The following AFF2 variants were observed in gnomAD, a reference collection of about 807,000 sequenced individuals.
The protein encoded by AFF2 is ALF transcription elongation factor 2.
Under a neutral mutation model 76.9 loss-of-function variants are expected in AFF2, and 14 were observed. That is an observed-to-expected ratio of 0.18 (90% CI 0.12 to 0.28). The LOEUF (loss-of-function observed/expected upper bound fraction) is 0.28. AFF2 is among the 10% of genes least tolerant of loss of function. The probability of loss-of-function intolerance (pLI) is 1.00; values close to 1 mark genes in which losing one functional copy is unlikely to be tolerated. For synonymous variants in AFF2, 398 were observed against 366.7 expected, an observed-to-expected ratio of 1.09 and a Z score of -0.98; for missense variants, 868 against 1,001.1, an observed-to-expected ratio of 0.87 and a Z score of 1.79.
intron 3 of AFF2, among the ~76,000 whole-genome samples, chrX:148,674,075 ATC>A (rs782239767): frequency 3.6e-5 from 4 of 112,199 alleles, no homozygotes; most frequent in Non-Finnish European, 7.5e-5. Context: ...ACAAATACTT[ATC>A]TCTGCTATTG....
intron 3 of AFF2, among the ~76,000 whole-genome samples, chrX:148,716,652 A>T (rs782170526): frequency 2.7e-5 from 3 of 111,581 alleles, no homozygotes; most frequent in African/African-American, 9.8e-5. Flanking sequence ...GAAACTGCAT[A>T]TCAGAGGGGA....
At chrX:148,600,200 G>T (rs1466326417) in intron 1 of AFF2, among the ~76,000 whole-genome samples, 3 of 111,920 alleles carry the variant, frequency 2.7e-5, no homozygotes, top group Non-Finnish European at 5.6e-5. Flanking sequence ...TGGTAGTCTT[G>T]TGTGGAATTT....
chrX:148,833,638 A>G (rs1557273539), intron 4 of AFF2, among the ~76,000 whole-genome samples: 1 of 110,774 alleles, frequency 9.0e-6, no homozygotes, highest in East Asian at 2.8e-4. Context: ...AATTAGTAGA[A>G]CAAATGCAAA....
intron 13 of AFF2, among the ~76,000 whole-genome samples, chrX:148,963,159 T>C (rs2072131460): frequency 8.9e-6 from 1 of 112,033 alleles, no homozygotes; most frequent in Non-Finnish European, 1.9e-5. Context: ...ATACAGATGT[T>C]ATTATGACAA....
chrX:148,723,799 C>A (rs1324288657), intron 3 of AFF2, among the ~76,000 whole-genome samples: 2 of 111,380 alleles, frequency 1.8e-5, no homozygotes, highest in African/African-American at 3.3e-5. Flanking sequence ...TTTGTGGCCA[C>A]AGGAAAATGA....
intron 3 of AFF2, among the ~76,000 whole-genome samples, chrX:148,738,010 T>C (rs1023272743): frequency 1.8e-5 from 2 of 111,568 alleles, no homozygotes; most frequent in Admixed American, 1.9e-4. Context: ...TGTTGTCGGA[T>C]TCGGTTAGCT....
At chrX:148,848,598 G>T (rs1557274980) in intron 7 of AFF2, among the ~76,000 whole-genome samples, 1 of 112,173 alleles carries the variant, frequency 8.9e-6, no homozygotes, top group African/African-American at 3.2e-5. Flanking sequence ...TGCAATTTCG[G>T]TAGCAAATTG....
intron 3 of AFF2, among the ~76,000 whole-genome samples, chrX:148,688,071 G>A (rs369702639): frequency 3.6e-5 from 4 of 110,677 alleles, no homozygotes; most frequent in Admixed American, 9.7e-5. Flanking sequence ...ATCAATCACC[G>A]AATCCTACCT....
chrX:148,596,388 G>T (rs1557247318), intron 1 of AFF2, among the ~76,000 whole-genome samples: 1 of 112,075 alleles, frequency 8.9e-6, no homozygotes, highest in Non-Finnish European at 1.9e-5. Flanking sequence ...TGGTGTGACT[G>T]CCTAGTCAAG....
At chrX:148,540,380 G>T (rs1434807369) in intron 1 of AFF2, among the ~76,000 whole-genome samples, 1 of 103,929 alleles carries the variant, frequency 9.6e-6, no homozygotes, top group Non-Finnish European at 2.0e-5. Context: ...AGGAACAAAG[G>T]TTGTGGCTGA....
At chrX:148,560,072 T>A (rs1557240322) in intron 1 of AFF2, among the ~76,000 whole-genome samples, 1 of 112,058 alleles carries the variant, frequency 8.9e-6, no homozygotes, top group Non-Finnish European at 1.9e-5. Context: ...TGCAAAAATG[T>A]CTTTTTTTGA....
chrX:148,648,870 C>G (rs1377102867), intron 1 of AFF2, among the ~76,000 whole-genome samples: 2 of 111,457 alleles, frequency 1.8e-5, no homozygotes, highest in African/African-American at 6.5e-5. Context: ...GGAAAAATAT[C>G]CTAACTTGCT....
chrX:148,804,130 T>A (rs994232548), intron 3 of AFF2, among the ~76,000 whole-genome samples: 1 of 112,037 alleles, frequency 8.9e-6, no homozygotes, highest in Non-Finnish European at 1.9e-5. Context: ...AGACTTAACA[T>A]GCACCCCCTA....
Position 148,662,399 on chromosome X carries a change from T to C in AFF2, c.672T>C (p.Ser224=). 1 of 1,211,941 alleles carries C rather than the reference T, an allele frequency of 8.3e-7. No homozygotes were observed. The highest frequency in any genetic ancestry group is 1.1e-6 in the Non-Finnish European group (1 of 895,559). The change falls in exon 3 of 21, where the codon TCT becomes TCC. Residue 224 remains serine (S), a synonymous_variant. Transcript: ENST00000370460. ...PSAKEDSNPN[S]SGEDAFKEIF... ...CAAAGGAAGACAGTAACCCTAATTC[T>C]AGTGGAGAAGATGCTTTCAAAGAAA...
intron 4 of AFF2, among the ~76,000 whole-genome samples, chrX:148,812,091 G>A (rs782790895): frequency 8.2e-5 from 9 of 109,523 alleles, no homozygotes; most frequent in Admixed American, 2.9e-4. Flanking sequence ...TGAAATTTGC[G>A]TCCCCAATTT....
chrX:148,983,958 A>AAAAAAAAAAAAAAAAAAAAAAAAAAAG (rs2072429167), intron 19 of AFF2, among the ~76,000 whole-genome samples: 1 of 99,326 alleles, frequency 1.0e-5, no homozygotes, highest in Non-Finnish European at 2.0e-5. Context: ...ATAGACAAAA[A>AAAAAAAAAAAAAAAAAAAAAAAAAAAG]AAAAAAAAAA....
chrX:148,667,465 A>G (rs2054371404), intron 3 of AFF2, among the ~76,000 whole-genome samples: 1 of 112,117 alleles, frequency 8.9e-6, no homozygotes, highest in Admixed American at 9.5e-5. Flanking sequence ...AGAATTTTTC[A>G]CTTGATGTAT....
chrX:148,909,496 C>T (rs1046025479), intron 9 of AFF2, among the ~76,000 whole-genome samples: 1 of 111,824 alleles, frequency 8.9e-6, no homozygotes, highest in Non-Finnish European at 1.9e-5. Flanking sequence ...ATTTTTAATA[C>T]TTTCATGGTT....
At chrX:148,684,175 C>G (rs140728745) in intron 3 of AFF2, among the ~76,000 whole-genome samples, 461 of 112,078 alleles carry the variant, frequency 4.1e-3, no homozygotes, top group Middle Eastern at 9.1e-3. Flanking sequence ...AAAGACATGT[C>G]TCTGACATAA....
Sources: gnomAD v4.1 joint callset for allele counts (sites outside exome capture counted in the v4.1 genomes callset) on GRCh38, gnomAD v4.1.1 for gene constraint, MANE v1.5 for transcripts, NCBI Gene and HGNC (gene_info 2026-07-23, HGNC 2026-07-21) for gene names.